Variants in MAP3K7 observed in about 807,000 individuals in gnomAD.
MAP3K7 encodes the protein mitogen-activated protein kinase kinase kinase 7, also known as TGF-beta activated kinase 1.
A neutral mutation model predicts 84.8 loss-of-function variants in MAP3K7; 21 were observed. That is an observed-to-expected ratio of 0.25 (90% CI 0.18 to 0.36). The LOEUF (loss-of-function observed/expected upper bound fraction) is 0.36. Among genes scored for constraint, MAP3K7 ranks in the 10% least tolerant of loss-of-function variants. The pLI is 1.00. For missense variants in MAP3K7, 503 were observed against 747.7 expected, an observed-to-expected ratio of 0.67 and a Z score of 3.82; for synonymous variants, 241 against 247.7, an observed-to-expected ratio of 0.97 and a Z score of 0.25.
In MAP3K7 at chr6:90,518,513, T is replaced by C. The variant is rs1460084200; in HGVS notation, c.1574A>G (p.Gln525Arg). ...NSKESMAVFEQHCKMAQEYMK... is the reference protein window; with the variant it reads ...NSKESMAVFERHCKMAQEYMK... ...ATATTCTTGTGCCATTTTACAATGC[T>C]GTTCAAACACTGCCATAGATTCTTT... The change falls in exon 16 of 17, where the codon CAG becomes CGG. Residue 525 changes from glutamine (Q) to arginine (R), a missense_variant. This residue lies in a region of MAP3K7 where 36 missense variants were observed against 74.5 expected (regional missense o/e 0.48). Transcript: ENST00000369329. The C allele has an allele frequency of 6.2e-7, 1 of 1,609,842 alleles. No homozygotes were observed. Among genetic ancestry groups the C allele is most frequent in the Non-Finnish European group, 8.5e-7 (1 of 1,177,402 alleles).
Position 90,548,062 on chromosome 6 carries a change from A to G in MAP3K7, c.1065T>C (p.Asn355=), listed in dbSNP as rs931867674. The change falls in exon 10 of 17, where the codon AAT becomes AAC. Residue 355 remains asparagine, a synonymous_variant. Transcript: ENST00000369329. ...CATAACAAACCTGTTGCTTTGCCTG[A>G]TTTTTCAACAATTTTGATTCTAAGC... ...IKRLESKLLK[N]QAKQQSESGR... is the part of the protein sequence containing the mutation. 2.5e-6 allele frequency: 4 copies of G among 1,610,554 alleles called. No individual in the cohort carries two copies. In the African/African-American group the frequency reaches 5.4e-5, roughly 22 times the overall value.
At chr6:90,518,410 A>G in intron 16 of MAP3K7, 37 bp downstream of exon 16, 1 of 1,036,972 alleles carries the variant, frequency 9.6e-7, no homozygotes, top group Non-Finnish European at 1.4e-6. Context: ...TCAAAATACT[A>G]ATGTATTTTT....
chr6:90,554,669 T>C (rs1776281029), intron 6 of MAP3K7, among the ~76,000 whole-genome samples: 1 of 152,142 alleles, frequency 6.6e-6, no homozygotes, highest in African/African-American at 2.4e-5. Flanking sequence ...CAATTAAGGG[T>C]TGTCTAGAGC....
At position 90,578,260 on chromosome 6, in the gene MAP3K7, G is replaced by GTTTGT. The variant is rs906092805; in HGVS notation, c.121-6458_121-6454dup. Among the ~76,000 whole-genome samples the GTTTGT allele has an allele frequency of 9.2e-5, 14 of 152,186 alleles. No homozygotes were observed. In the East Asian group the frequency reaches 1.5e-3, roughly 17 times the overall value. ...AAGAAATACCGGCAGGAGGACAGGA[G>GTTTGT]TTTGTTTTGTTTTGTTTTGTTTGTT... On this transcript the variant is annotated intron_variant, in intron 1 of 16. Transcript: ENST00000369329.
rs1775673709 is a variant in MAP3K7 at position 90,536,267 on chromosome 6, G to C, written c.1356+70C>G. 2.3e-6 allele frequency: 3 copies of C among 1,282,030 alleles called. No individual in the cohort carries two copies. In the South Asian group the frequency reaches 3.6e-5, roughly 16 times the overall value. 79.4% of individuals were successfully genotyped at this position (1,282,030 alleles called of 1,614,324 possible). A position where few individuals can be genotyped will look rare whatever the true frequency, so the allele number is the denominator to read the frequency against. On this transcript the variant is annotated intron_variant, in intron 13 of 16. Coordinates refer to ENST00000369329, the MANE Select transcript of MAP3K7 (RefSeq NM_145331.3). The stretch of plus-strand genomic sequence containing the variant: ...CAACTCATAAAACTAATTTTGCAGA[G>C]TAGAATACAGTTAATTCTTGTTTTC...
chr6:90,568,760 T>C, intron 2 of MAP3K7, 137 bp from the exon 3 acceptor site: 2 of 633,732 alleles, frequency 3.2e-6, no homozygotes, highest in African/African-American at 1.9e-5. Flanking sequence ...GTAACAGGCA[T>C]TGCAATCATA....
intron 1 of MAP3K7, among the ~76,000 whole-genome samples, chr6:90,579,410 C>T (rs1367115379): frequency 6.6e-6 from 1 of 152,124 alleles, no homozygotes. Flanking sequence ...TCTGTCCAAA[C>T]CTTAGATGTT....
intron 4 of MAP3K7, 100 bp downstream of exon 4, chr6:90,561,521 TG>T: frequency 1.2e-6 from 1 of 825,218 alleles, no homozygotes; most frequent in Non-Finnish European, 1.9e-6. Flanking sequence ...TTTGGGACTC[TG>T]ACGGCAAATT....
chr6:90,544,874 G>C (rs969285854), intron 11 of MAP3K7, among the ~76,000 whole-genome samples: 6 of 151,766 alleles, frequency 4.0e-5, no homozygotes, highest in Non-Finnish European at 5.9e-5. Context: ...AAAATAAAAA[G>C]AACAGAGACA....
At chr6:90,546,450 T>C (rs1776003798) in intron 11 of MAP3K7, among the ~76,000 whole-genome samples, 1 of 152,184 alleles carries the variant, frequency 6.6e-6, no homozygotes, top group African/African-American at 2.4e-5. Context: ...GGGGTAATTA[T>C]GTAAGTTTTT....
chr6:90,582,819 CAGTCTGATATCAT>C (rs1472353549), intron 1 of MAP3K7, among the ~76,000 whole-genome samples: 1 of 151,506 alleles, frequency 6.6e-6, no homozygotes, highest in Non-Finnish European at 1.5e-5. Context: ...GTGTTTACTC[CAGTCTGATATCAT>C]ACTAAGTCAG....
chr6:90,547,399 A>G lies in MAP3K7; in HGVS notation c.1081-12T>C, dbSNP rs1776038569. On this transcript the variant is annotated splice_polypyrimidine_tract_variant and intron_variant, in intron 10 of 16. Coordinates refer to ENST00000369329, the MANE Select transcript of MAP3K7 (RefSeq NM_145331.3). ...CGTCCAGATTCACTCTGTTAAAATT[A>G]CAGGTCAATCTGAATTACTGAAGTT... is the stretch of plus-strand genomic sequence containing the variant. 1.2e-6 allele frequency: 2 copies of G among 1,607,974 alleles called. No individual in the cohort carries two copies. Among genetic ancestry groups the G allele is most frequent in the Non-Finnish European group, 1.7e-6 (2 of 1,178,086 alleles).
chr6:90,562,454 G>A lies in MAP3K7; in HGVS notation c.298-787C>T, dbSNP rs554456522. 3.4e-4 allele frequency among the ~76,000 whole-genome samples: 52 copies of A among 152,308 alleles called. No homozygotes were observed. In the South Asian group the frequency reaches 0.011, roughly 31 times the overall value. On this transcript the variant is annotated intron_variant, in intron 3 of 16. Transcript: ENST00000369329. ...CTGCACCTGGCTCGGAGGGTCCCAT[G>A]CCCACGGTGCCTCACTCACTGCTAG...
intron 13 of MAP3K7, among the ~76,000 whole-genome samples, chr6:90,535,900 T>C (rs1027823003): frequency 1.3e-5 from 2 of 152,198 alleles, no homozygotes; most frequent in Non-Finnish European, 2.9e-5. Context: ...TAAAAGACGT[T>C]AGAGTTCTCC....
intron 13 of MAP3K7, among the ~76,000 whole-genome samples, chr6:90,526,838 C>T (rs2127959009): frequency 6.6e-6 from 1 of 152,064 alleles, no homozygotes; most frequent in Admixed American, 6.5e-5. Flanking sequence ...TTTTTCCAAT[C>T]TTAAATTATC....
intron 1 of MAP3K7, among the ~76,000 whole-genome samples, chr6:90,573,985 C>T (rs1479252601): frequency 6.6e-6 from 1 of 152,222 alleles, no homozygotes; most frequent in Non-Finnish European, 1.5e-5. Context: ...ATAGAGGGTA[C>T]TGGCTACCTG....
chr6:90,538,784 C>G (rs371927839), intron 12 of MAP3K7, among the ~76,000 whole-genome samples: 3 of 151,776 alleles, frequency 2.0e-5, no homozygotes, highest in East Asian at 3.9e-4. Flanking sequence ...AAAAGTTATC[C>G]CGGGTTTCTT....
intron 13 of MAP3K7, among the ~76,000 whole-genome samples, chr6:90,530,212 T>C (rs1472801751): frequency 6.6e-6 from 1 of 152,182 alleles, no homozygotes; most frequent in Non-Finnish European, 1.5e-5. Context: ...GTAATGCTAA[T>C]GCACATTTTA....
At chr6:90,519,810 T>C (rs1328243075) in intron 14 of MAP3K7, among the ~76,000 whole-genome samples, 2 of 151,924 alleles carry the variant, frequency 1.3e-5, no homozygotes, top group East Asian at 1.9e-4. Flanking sequence ...TTTATATAGA[T>C]TATAATGTGA....
Sources: gnomAD v4.1 joint callset for allele counts (sites outside exome capture counted in the v4.1 genomes callset) on GRCh38, gnomAD v4.1.1 for gene constraint, gnomAD v4.1.1 regional missense constraint, MANE v1.5 for transcripts, NCBI Gene and HGNC (gene_info 2026-07-23, HGNC 2026-07-21) for gene names.